CDYL2: variants seen among roughly 807,000 people sequenced by gnomAD.
The protein encoded by CDYL2 is chromodomain Y like 2.
CDYL2 carries 23 observed loss-of-function variants against 49.4 expected under a neutral mutation model. The ratio of observed to expected loss-of-function variants is 0.47; its 90% CI spans 0.34 to 0.66. The LOEUF (loss-of-function observed/expected upper bound fraction) is 0.66. CDYL2 is among the 30% of genes least tolerant of loss of function. The pLI is 0.01. For synonymous variants in CDYL2, 360 were observed against 268.8 expected, an observed-to-expected ratio of 1.34 and a Z score of -3.32; for missense variants, 678 against 656.4, an observed-to-expected ratio of 1.03 and a Z score of -0.36.
rs779942191 is a variant in CDYL2, at chr16:80,804,158, G to A, written c.16C>T (p.Leu6Phe). 2 of 1,285,052 alleles carry A rather than the reference G, an allele frequency of 1.6e-6. No homozygotes were observed. Among genetic ancestry groups the A allele is most frequent in the Non-Finnish European group, 1.0e-6 (1 of 984,946 alleles). 79.6% of individuals were successfully genotyped at this position (1,285,052 alleles called of 1,614,324 possible). MASGD[L>F]YEVERIVDKR... ...CCCCCGCGTCCCCGTACCTCGTAAA[G>A]GTCCCCAGAAGCCATGCCAGGCTGC... The change falls in exon 1 of 7, where the codon CTT becomes TTT. Residue 6 changes from leucine to phenylalanine, a missense_variant. By Grantham distance (22) the Leu-to-Phe change is conservative. Around this residue, in one of 3 missense-constraint regions of CDYL2, gnomAD observed 478 missense variants for 427.0 expected, o/e 1.12. Coordinates refer to ENST00000570137, the MANE Select transcript of CDYL2 (RefSeq NM_152342.4).
chr16:80,712,187 G>GTATATATATATA (rs1464649825), intron 1 of CDYL2, among the ~76,000 whole-genome samples: 1,796 of 37,746 alleles, frequency 0.048, 69 homozygotes, highest in African/African-American at 0.052. Context: ...TTGTGTCTGT[G>GTATATATATATA]TGTGTATATA....
intron 1 of CDYL2, among the ~76,000 whole-genome samples, chr16:80,766,768 A>G (rs192107871): frequency 6.6e-6 from 1 of 152,324 alleles, no homozygotes; most frequent in East Asian, 1.9e-4. Context: ...TACAAAAAGA[A>G]AGTGTAAAAA....
intron 2 of CDYL2, among the ~76,000 whole-genome samples, chr16:80,684,203 G>C (rs894116189): frequency 6.6e-6 from 1 of 152,186 alleles, no homozygotes; most frequent in Non-Finnish European, 1.5e-5. Context: ...CTTGGGTCCT[G>C]GGGGTGAGGA....
intron 1 of CDYL2, among the ~76,000 whole-genome samples, chr16:80,711,893 A>G (rs1020567350): frequency 3.3e-5 from 5 of 152,050 alleles, no homozygotes; most frequent in South Asian, 4.2e-4. Context: ...AGAGACGTCA[A>G]CGGGACCCTG....
intron 1 of CDYL2, among the ~76,000 whole-genome samples, chr16:80,724,470 C>T (rs1328011621): frequency 1.3e-5 from 2 of 152,164 alleles, no homozygotes; most frequent in Non-Finnish European, 2.9e-5. Context: ...AGCTCTTCTA[C>T]TCCCTGCAGC....
At chr16:80,621,023 C>T (rs930164010) in intron 3 of CDYL2, 88 bp from the exon 4 acceptor site, 9 of 1,392,488 alleles carry the variant, frequency 6.5e-6, no homozygotes, top group Non-Finnish European at 7.6e-6. Context: ...AGAGGCCTGA[C>T]CCCCTGAGGG....
At chr16:80,606,191 C>T (rs1006461195) in intron 6 of CDYL2, among the ~76,000 whole-genome samples, 3 of 152,248 alleles carry the variant, frequency 2.0e-5, no homozygotes, top group Non-Finnish European at 4.4e-5. Context: ...GCTGCCAGAC[C>T]CAGCTGGCTC....
At chr16:80,753,879 A>G (rs1279971163) in intron 1 of CDYL2, among the ~76,000 whole-genome samples, 1 of 152,248 alleles carries the variant, frequency 6.6e-6, no homozygotes, top group African/African-American at 2.4e-5. Flanking sequence ...TATGATACAT[A>G]TTTCTTACAA....
rs59562197 is a variant in CDYL2 at position 80,729,155 on chromosome 16, C to A, written c.25-44026G>T. ...GCTCCAATTAAAAGACACACACTGG[C>A]AAATTGGATAAAGAGTTAAGACCCT... On this transcript the variant is annotated intron_variant, in intron 1 of 6. Coordinates refer to ENST00000570137, the MANE Select transcript of CDYL2 (RefSeq NM_152342.4). Among the ~76,000 whole-genome samples, 656 of 152,242 alleles carry A rather than the reference C, an allele frequency of 4.3e-3. 4 individuals are homozygous for A. Among genetic ancestry groups the A allele is most frequent in the African/African-American group, 0.015 (639 of 41,536 alleles).
intron 1 of CDYL2, among the ~76,000 whole-genome samples, chr16:80,707,050 G>C (rs1011732194): frequency 6.6e-6 from 1 of 152,168 alleles, no homozygotes; most frequent in African/African-American, 2.4e-5. Context: ...TGGGGGTGCA[G>C]TGAACACCCC....
intron 1 of CDYL2, among the ~76,000 whole-genome samples, chr16:80,735,320 A>G (rs1165659737): frequency 2.6e-5 from 4 of 152,190 alleles, no homozygotes; most frequent in African/African-American, 9.7e-5. Context: ...ACATAAATTA[A>G]ATTTTTTTCT....
At chr16:80,717,843 T>G (rs543926603) in intron 1 of CDYL2, among the ~76,000 whole-genome samples, 29 of 152,364 alleles carry the variant, frequency 1.9e-4, no homozygotes, top group African/African-American at 7.0e-4. Context: ...TTCCCTGGCA[T>G]GCAAAATGTG....
chr16:80,715,902 C>G (rs1331993090), intron 1 of CDYL2, among the ~76,000 whole-genome samples: 1 of 152,196 alleles, frequency 6.6e-6, no homozygotes, highest in African/African-American at 2.4e-5. Context: ...CTAACTCCTA[C>G]CCACCCCTAG....
chr16:80,629,737 C>T (rs1201200012), intron 3 of CDYL2, among the ~76,000 whole-genome samples: 1 of 152,208 alleles, frequency 6.6e-6, no homozygotes, highest in Non-Finnish European at 1.5e-5. Flanking sequence ...GCCAATCCAA[C>T]CAATGTTACA....
At chr16:80,777,839 T>C (rs1403601422) in intron 1 of CDYL2, among the ~76,000 whole-genome samples, 1 of 152,052 alleles carries the variant, frequency 6.6e-6, no homozygotes, top group Non-Finnish European at 1.5e-5. Flanking sequence ...ATTAATCTCA[T>C]GAAACCAGCA....
intron 4 of CDYL2, among the ~76,000 whole-genome samples, chr16:80,615,807 A>T (rs1233657636): frequency 6.6e-6 from 1 of 152,136 alleles, no homozygotes; most frequent in Non-Finnish European, 1.5e-5. Flanking sequence ...TCTGCCTCGC[A>T]CTTCATTTCC....
chr16:80,667,804 C>A (rs750568254), intron 2 of CDYL2, among the ~76,000 whole-genome samples: 10 of 152,186 alleles, frequency 6.6e-5, no homozygotes, highest in Non-Finnish European at 1.3e-4. Context: ...TTCCTATAAA[C>A]GAATTCATTT....
At chr16:80,650,692 A>G (rs903260073) in intron 2 of CDYL2, among the ~76,000 whole-genome samples, 2 of 152,244 alleles carry the variant, frequency 1.3e-5, no homozygotes, top group African/African-American at 4.8e-5. Flanking sequence ...AGCACTGTTC[A>G]TAATGGCCAA....
chr16:80,708,572 A>G (rs1041446867), intron 1 of CDYL2, among the ~76,000 whole-genome samples: 1 of 152,186 alleles, frequency 6.6e-6, no homozygotes, highest in Non-Finnish European at 1.5e-5. Flanking sequence ...CCCTATTAAG[A>G]AGCCAACCCC....
Sources: gnomAD v4.1 joint callset for allele counts (sites outside exome capture counted in the v4.1 genomes callset) on GRCh38, gnomAD v4.1.1 for gene constraint, gnomAD v4.1.1 regional missense constraint, MANE v1.5 for transcripts, NCBI Gene and HGNC (gene_info 2026-07-23, HGNC 2026-07-21) for gene names.